Variants in PTK7 observed in about 807,000 individuals in gnomAD.
PTK7 encodes the protein protein tyrosine kinase 7 (inactive), also known as inactive tyrosine-protein kinase 7.
In PTK7, 39 loss-of-function variants were observed where a neutral mutation model predicts 116.6. The ratio of observed to expected loss-of-function variants is 0.33; its 90% CI spans 0.26 to 0.44. PTK7 has a LOEUF of 0.44. Ranked by LOEUF, PTK7 falls within the 20% of genes least tolerant of loss-of-function variation. The pLI is 1.00. For synonymous variants in PTK7, 546 were observed against 563.6 expected (o/e 0.97, Z 0.44); for missense variants, 1,169 against 1,425.6 (o/e 0.82, Z 2.90).
intron 1 of PTK7, among the ~76,000 whole-genome samples, chr6:43,115,599 G>A (rs1768464551): frequency 6.6e-6 from 1 of 152,094 alleles, no homozygotes; most frequent in African/African-American, 2.4e-5. Context: ...AGAGATGGCT[G>A]CGAGGAGAGC....
intron 1 of PTK7, among the ~76,000 whole-genome samples, chr6:43,082,062 C>T (rs1387092107): frequency 2.6e-5 from 4 of 152,182 alleles, no homozygotes; most frequent in South Asian, 4.1e-4. Flanking sequence ...GTTGCTTCCT[C>T]AGAGAACTGG....
Position 43,141,409 on chromosome 6 carries a change from C to T in PTK7, c.1619-259C>T, listed in dbSNP as rs932400204. On this transcript the variant is annotated intron_variant, in intron 10 of 19. Coordinates refer to ENST00000230419, the MANE Select transcript of PTK7 (RefSeq NM_002821.5). The surrounding 1 kb of genome is among the most constrained non-coding windows in gnomAD (Gnocchi z 4.9). ...ATGGGCAGCGGAGTAGGAACAGGGC[C>T]GATCTGGGCCCAAACAGAGTCCGGT... Among the ~76,000 whole-genome samples the T allele has an allele frequency of 6.6e-6, 1 of 152,114 alleles. No individual in the cohort carries two copies.
Position 43,129,888 on chromosome 6 carries a change from A to T in PTK7, c.470+59A>T. The T allele has an allele frequency of 6.6e-7, 1 of 1,505,764 alleles. No homozygotes were observed. Among genetic ancestry groups the T allele is most frequent in the South Asian group, 1.1e-5 (1 of 87,966 alleles). 93.3% of individuals were successfully genotyped at this position (1,505,764 alleles called of 1,614,324 possible). A position where few individuals can be genotyped will look rare whatever the true frequency, so the allele number is the denominator to read the frequency against. ...TATTCCGGACAGGGATGTCTCCCCA[A>T]ATCTTGGACTCTATGCGGATGTTAC... On this transcript the variant is annotated intron_variant, in intron 3 of 19. Coordinates refer to ENST00000230419, the MANE Select transcript of PTK7 (RefSeq NM_002821.5). This position sits in a 1 kb window ranked among gnomAD's most constrained non-coding sequence, Gnocchi z 4.5.
At position 43,139,398 on chromosome 6, in the gene PTK7, T is replaced by G; in HGVS notation, c.1499-8T>G. ...CCTCGTCTTTCTACCCACCCTCTGCTGAAACAGAAAAGCTCAAGTTCACAC... is the reference window on the plus strand; with the variant it reads ...CCTCGTCTTTCTACCCACCCTCTGCGGAAACAGAAAAGCTCAAGTTCACAC... On this transcript the variant is annotated splice_region_variant and splice_polypyrimidine_tract_variant and intron_variant, in intron 9 of 19. Coordinates refer to ENST00000230419, the MANE Select transcript of PTK7 (RefSeq NM_002821.5). The surrounding 1 kb of genome is among the most constrained non-coding windows in gnomAD (Gnocchi z 4.6). 6.2e-7 allele frequency: 1 copy of G among 1,614,144 alleles called. No homozygotes were observed. The highest frequency in any genetic ancestry group is 8.5e-7 in the Non-Finnish European group (1 of 1,180,010).
chr6:43,139,236 G>A lies in PTK7; in HGVS notation c.1463G>A (p.Gly488Asp), dbSNP rs1208069630. Residue 488 changes from glycine to aspartate, a missense_variant, in exon 9 of 20, where the codon GGC becomes GAC. Physicochemically the swap from Gly to Asp is moderately conservative, Grantham distance 94 (BLOSUM62 -1). Coordinates refer to ENST00000230419, the MANE Select transcript of PTK7 (RefSeq NM_002821.5). The surrounding 1 kb of genome is among the most constrained non-coding windows in gnomAD (Gnocchi z 4.6). ...CGTTGTATGAGCAGCACCCCAGCCG[G>A]CAGCATCGAGGCGCAAGCCCGTGTC... ...WYRCMSSTPAGSIEAQARVQV... is the reference protein window; with the variant it reads ...WYRCMSSTPADSIEAQARVQV... 2 of 1,614,118 alleles carry A rather than the reference G, an allele frequency of 1.2e-6. No individual in the cohort carries two copies. Among genetic ancestry groups the A allele is most frequent in the Non-Finnish European group, 1.7e-6 (2 of 1,180,056 alleles).
intron 17 of PTK7, among the ~76,000 whole-genome samples, chr6:43,155,712 A>T (rs887857163): frequency 5.3e-5 from 8 of 152,140 alleles, no homozygotes; most frequent in Non-Finnish European, 8.8e-5. Context: ...ATATATTCAC[A>T]TTGGCTCAAA....
Position 43,076,383 on chromosome 6 carries a change from T to TGCTGCG in PTK7, c.-103_-98dup. On this transcript the variant is annotated 5_prime_UTR_variant, in exon 1 of 20. Transcript: ENST00000230419. This position sits in a 1 kb window ranked among gnomAD's most constrained non-coding sequence, Gnocchi z 5.7. The stretch of plus-strand genomic sequence containing the variant: ...GGGGTCGGGCTCCGGCTGCGGCTGC[T>TGCTGCG]GCTGCGGCGCCCGCGCTCCGGTGCG... 2.3e-6 allele frequency: 2 copies of TGCTGCG among 874,856 alleles called. No homozygotes were observed. Among genetic ancestry groups the TGCTGCG allele is most frequent in the Non-Finnish European group, 3.1e-6 (2 of 654,274 alleles). The allele number at this position is 874,856 out of a possible 1,614,324, so 54.2% of individuals were successfully genotyped here.
Position 43,132,661 on chromosome 6 carries a change from G to T in PTK7, c.1202G>T (p.Arg401Ile). 1 of 1,570,214 alleles carries T rather than the reference G, an allele frequency of 6.4e-7. No homozygotes were observed. The highest frequency in any genetic ancestry group is 2.4e-5 in the East Asian group (1 of 42,434). Residue 401 changes from arginine (R) to isoleucine (I), a missense_variant, in exon 7 of 20, where the codon AGA (arginine) becomes ATA (isoleucine). Around this residue, in one of 3 missense-constraint regions of PTK7, gnomAD observed 487 missense variants for 549.8 expected, o/e 0.89. Transcript: ENST00000230419. ...GCGGCCAACCTGGCTGGTCAGCGGA[G>T]ACAGGATGTCAACATCACTGTGGCC... ...CHAANLAGQRRQDVNITVATV... is the reference protein window; with the variant it reads ...CHAANLAGQRIQDVNITVATV...
intron 17 of PTK7, among the ~76,000 whole-genome samples, chr6:43,148,403 A>C (rs1318256244): frequency 1.3e-5 from 2 of 152,210 alleles, no homozygotes; most frequent in Non-Finnish European, 2.9e-5. Flanking sequence ...TGTTGAAGAC[A>C]CCCATGTCCT....
intron 1 of PTK7, among the ~76,000 whole-genome samples, chr6:43,112,178 T>G (rs1341204268): frequency 6.6e-6 from 1 of 152,158 alleles, no homozygotes; most frequent in South Asian, 2.1e-4. Flanking sequence ...TTGTAAACTT[T>G]CCAGAGGCAT....
chr6:43,158,027 A>G (rs540534483), intron 17 of PTK7, among the ~76,000 whole-genome samples: 49 of 152,088 alleles, frequency 3.2e-4, no homozygotes, highest in African/African-American at 1.0e-3. Flanking sequence ...GGCTGGGCGC[A>G]GTGGCTCATG....
chr6:43,088,012 G>A (rs955843410), intron 1 of PTK7, among the ~76,000 whole-genome samples: 2 of 152,178 alleles, frequency 1.3e-5, no homozygotes, highest in African/African-American at 4.8e-5. Context: ...GAGGAATAGG[G>A]CTGAAGCCAG....
intron 7 of PTK7, among the ~76,000 whole-genome samples, chr6:43,137,675 C>T (rs1051540211): frequency 2.6e-5 from 4 of 152,154 alleles, no homozygotes; most frequent in African/African-American, 7.2e-5. Context: ...CTGAGGACTG[C>T]GCCTTGGCAT....
chr6:43,132,075 T>G lies in PTK7; in HGVS notation c.872T>G (p.Val291Gly). Reference protein sequence around the residue: ...FANGSLLLTQVRPRNAGIYRC... With the variant: ...FANGSLLLTQGRPRNAGIYRC... ...AACGGGTCTCTGCTGCTGACCCAGG[T>G]CCGGCCACGCAATGCAGGGATCTAC... Residue 291 changes from valine to glycine, a missense_variant, in exon 6 of 20, where the codon GTC becomes GGC. Around this residue, in one of 3 missense-constraint regions of PTK7, gnomAD observed 487 missense variants for 549.8 expected, o/e 0.89. Transcript: ENST00000230419. 6.2e-7 allele frequency: 1 copy of G among 1,614,086 alleles called. No individual in the cohort carries two copies. The highest frequency in any genetic ancestry group is 8.5e-7 in the Non-Finnish European group (1 of 1,180,028).
chr6:43,140,158 A>G (rs1351754349), intron 10 of PTK7, among the ~76,000 whole-genome samples: 1 of 147,972 alleles, frequency 6.8e-6, no homozygotes, highest in Middle Eastern at 3.6e-3. Flanking sequence ...TTTACAAAAT[A>G]CTGGAAGAGG....
At chr6:43,128,822 A>C (rs1769455057) in intron 1 of PTK7, among the ~76,000 whole-genome samples, 155 bp from the exon 2 acceptor site, 1 of 151,908 alleles carries the variant, frequency 6.6e-6, no homozygotes, top group Admixed American at 6.6e-5. Context: ...TTTTCAGGGG[A>C]CTCTTGCAAT....
chr6:43,131,990 T>A (rs762869298), intron 5 of PTK7, 26 bp from the exon 6 acceptor site: 15 of 1,613,290 alleles, frequency 9.3e-6, no homozygotes, highest in Non-Finnish European at 1.3e-5. Flanking sequence ...GGCCACTTTC[T>A]CCAAATTGCA....
chr6:43,132,996 A>G (rs1769799269), intron 7 of PTK7: 1 of 496,350 alleles, frequency 2.0e-6, no homozygotes, highest in Non-Finnish European at 3.6e-6. Flanking sequence ...CAGAGTGACG[A>G]TGGTAGCAAA....
Position 43,143,508 on chromosome 6 carries a change from G to A in PTK7, c.2139G>A (p.Val713=). The change falls in exon 14 of 20, where the codon GTG becomes GTA. Residue 713 remains valine (V), a synonymous_variant. Coordinates refer to ENST00000230419, the MANE Select transcript of PTK7 (RefSeq NM_002821.5). The surrounding 1 kb of genome is among the most constrained non-coding windows in gnomAD (Gnocchi z 4.2). ...QTIGLSVGAA[V]AYIIAVLGLM... The stretch of plus-strand genomic sequence containing the variant: ...TTGGGTTGTCGGTGGGTGCCGCTGT[G>A]GCCTACATCATTGCCGTGCTGGGCC... The A allele has an allele frequency of 6.2e-7, 1 of 1,613,782 alleles. No individual in the cohort carries two copies. The highest frequency in any genetic ancestry group is 8.5e-7 in the Non-Finnish European group (1 of 1,179,968).
Sources: gnomAD v4.1 joint callset for allele counts (sites outside exome capture counted in the v4.1 genomes callset) on GRCh38, gnomAD v4.1.1 for gene constraint, gnomAD v4.1.1 regional missense constraint, Gnocchi (gnomAD v3.1) non-coding constraint, MANE v1.5 for transcripts, NCBI Gene and HGNC (gene_info 2026-07-23, HGNC 2026-07-21) for gene names.